GTF2F2: variants seen among roughly 807,000 people sequenced by gnomAD.
The protein encoded by GTF2F2 is general transcription factor IIF subunit 2.
Under a neutral mutation model 42.2 loss-of-function variants are expected in GTF2F2, and 23 were observed. The ratio of observed to expected loss-of-function variants is 0.55; its 90% CI spans 0.39 to 0.77. The LOEUF (loss-of-function observed/expected upper bound fraction) is 0.77, where lower values mean the gene tolerates loss of function less well. GTF2F2 is among the 30% of genes least tolerant of loss of function. GTF2F2 has a pLI of 0.00. For synonymous variants in GTF2F2, 105 were observed against 100.8 expected, an observed-to-expected ratio of 1.04 and a Z score of -0.25; for missense variants, 261 against 287.2, an observed-to-expected ratio of 0.91 and a Z score of 0.66.
intron 5 of GTF2F2, 79 bp from the exon 6 acceptor site, chr13:45,252,792 A>G: frequency 1.5e-6 from 1 of 662,440 alleles, no homozygotes; most frequent in Non-Finnish European, 2.6e-6. Context: ...TTCATTGAAT[A>G]AGAATTATAG....
intron 4 of GTF2F2, among the ~76,000 whole-genome samples, chr13:45,197,480 G>T (rs1269128136): frequency 6.8e-6 from 1 of 147,260 alleles, no homozygotes; most frequent in Non-Finnish European, 1.5e-5. Context: ...CTGCACTCCA[G>T]TCTGGGCAAC....
chr13:45,167,053 T>C (rs1163850039), intron 4 of GTF2F2, among the ~76,000 whole-genome samples: 2 of 151,992 alleles, frequency 1.3e-5, no homozygotes, highest in Admixed American at 1.3e-4. Flanking sequence ...CAGCACACTT[T>C]GAAAGACTGC....
chr13:45,135,410 C>T (rs1315799753), intron 1 of GTF2F2, among the ~76,000 whole-genome samples: 1 of 151,984 alleles, frequency 6.6e-6, no homozygotes, highest in African/African-American at 2.4e-5. Context: ...CAGGCACGCA[C>T]GACCATGCCC....
At chr13:45,218,558 T>A (rs1873981230) in intron 5 of GTF2F2, among the ~76,000 whole-genome samples, 1 of 152,246 alleles carries the variant, frequency 6.6e-6, no homozygotes, top group South Asian at 2.1e-4. Flanking sequence ...TGCAGGCCAA[T>A]GTGTCCTATT....
chr13:45,197,854 C>T (rs1872977828), intron 4 of GTF2F2, among the ~76,000 whole-genome samples: 2 of 152,224 alleles, frequency 1.3e-5, no homozygotes, highest in Admixed American at 6.5e-5. Flanking sequence ...CTTGCAGATA[C>T]AAACCGGAAC....
At chr13:45,137,142 A>C (rs1394083202) in intron 2 of GTF2F2, among the ~76,000 whole-genome samples, 1 of 152,222 alleles carries the variant, frequency 6.6e-6, no homozygotes, top group Non-Finnish European at 1.5e-5. Flanking sequence ...GGCTGGGTAT[A>C]ACTGGATGCA....
At chr13:45,231,057 TA>T (rs1391392479) in intron 5 of GTF2F2, among the ~76,000 whole-genome samples, 6 of 151,774 alleles carry the variant, frequency 4.0e-5, no homozygotes, top group African/African-American at 1.2e-4. Flanking sequence ...ATCCAGCTTT[TA>T]TTTTTTAATT....
chr13:45,167,665 C>T (rs1208949929), intron 4 of GTF2F2, among the ~76,000 whole-genome samples: 1 of 152,126 alleles, frequency 6.6e-6, no homozygotes, highest in Non-Finnish European at 1.5e-5. Context: ...CCCAAAAGTG[C>T]TGGGATTACA....
At chr13:45,268,992 A>C (rs1876680439) in intron 7 of GTF2F2, among the ~76,000 whole-genome samples, 1 of 152,162 alleles carries the variant, frequency 6.6e-6, no homozygotes, top group African/African-American at 2.4e-5. Flanking sequence ...ACTTAAGGGG[A>C]TCCATTAACT....
intron 4 of GTF2F2, among the ~76,000 whole-genome samples, chr13:45,188,206 C>G (rs1465682424): frequency 8.6e-5 from 13 of 152,040 alleles, no homozygotes; most frequent in Admixed American, 8.5e-4. Context: ...GTGCCTGGCC[C>G]CTGCTGATTT....
At chr13:45,211,227 A>G (rs1593493487) in intron 5 of GTF2F2, among the ~76,000 whole-genome samples, 1 of 152,188 alleles carries the variant, frequency 6.6e-6, no homozygotes, top group Non-Finnish European at 1.5e-5. Flanking sequence ...GGCAGTTTAC[A>G]TAAGAGACTC....
intron 4 of GTF2F2, among the ~76,000 whole-genome samples, chr13:45,196,742 T>TA: frequency 6.6e-6 from 1 of 152,312 alleles, no homozygotes; most frequent in South Asian, 2.1e-4. Context: ...TCTGCTTCCT[T>TA]ACACCCTGTT....
At chr13:45,153,244 T>C (rs1870586837) in intron 4 of GTF2F2, among the ~76,000 whole-genome samples, 1 of 151,798 alleles carries the variant, frequency 6.6e-6, no homozygotes, top group Non-Finnish European at 1.5e-5. Context: ...GGTCTCGATC[T>C]CCTGACCTCG....
At position 45,168,071 on chromosome 13, in the gene GTF2F2, A is replaced by G. The variant is rs571127045; in HGVS notation, c.304+16240A>G. Among the ~76,000 whole-genome samples the G allele has an allele frequency of 5.3e-5, 8 of 152,316 alleles. No individual in the cohort carries two copies. The South Asian group carries it at 1.7e-3, about 32-fold the overall frequency. On this transcript the variant is annotated intron_variant, in intron 4 of 7. Coordinates refer to ENST00000340473, the MANE Select transcript of GTF2F2 (RefSeq NM_004128.3). ...TGTTATGTGTCAGACTTTTCTTGAG[A>G]GAAAGATCTGTACCGTTTAGCAAAG...
At chr13:45,201,285 C>T (rs926598530) in intron 4 of GTF2F2, among the ~76,000 whole-genome samples, 5 of 152,172 alleles carry the variant, frequency 3.3e-5, no homozygotes, top group African/African-American at 1.2e-4. Flanking sequence ...TAAATATTTT[C>T]AAGCCTTGGG....
intron 1 of GTF2F2, 36 bp downstream of exon 1, chr13:45,120,757 AAC>A: frequency 6.9e-7 from 1 of 1,451,710 alleles, no homozygotes; most frequent in Non-Finnish European, 9.5e-7. Flanking sequence ...CGCTCCTCCT[AAC>A]ACAAGTATAG....
chr13:45,129,040 T>A (rs1423432858), intron 1 of GTF2F2, among the ~76,000 whole-genome samples: 1 of 152,230 alleles, frequency 6.6e-6, no homozygotes, highest in East Asian at 1.9e-4. Flanking sequence ...CTCCAGTAGT[T>A]TGATCACAGA....
At chr13:45,154,289 A>T (rs1870647406) in intron 4 of GTF2F2, among the ~76,000 whole-genome samples, 1 of 152,230 alleles carries the variant, frequency 6.6e-6, no homozygotes, top group Non-Finnish European at 1.5e-5. Context: ...AAAGACAGCA[A>T]TTTAGAAAGC....
intron 6 of GTF2F2, among the ~76,000 whole-genome samples, chr13:45,261,672 G>C (rs1876350326): frequency 6.6e-6 from 1 of 152,128 alleles, no homozygotes; most frequent in African/African-American, 2.4e-5. Context: ...CAACAAGTTA[G>C]ATATCTGACT....
Sources: gnomAD v4.1 joint callset for allele counts (sites outside exome capture counted in the v4.1 genomes callset) on GRCh38, gnomAD v4.1.1 for gene constraint, MANE v1.5 for transcripts, NCBI Gene and HGNC (gene_info 2026-07-23, HGNC 2026-07-21) for gene names.